The following PDE4D variants were observed in gnomAD, a reference collection of about 807,000 sequenced individuals.
PDE4D encodes phosphodiesterase 4D.
Under a neutral mutation model 87.4 loss-of-function variants are expected in PDE4D, and 24 were observed. The observed-to-expected ratio is 0.27, with a 90% CI of 0.20 to 0.39. PDE4D has a LOEUF of 0.39. Ranked by LOEUF, PDE4D falls within the 10% of genes least tolerant of loss-of-function variation. PDE4D has a pLI of 1.00. For missense variants in PDE4D, 714 were observed against 1,041.0 expected (o/e 0.69, Z 4.32); for synonymous variants, 384 against 383.2 (o/e 1.00, Z -0.02).
Position 59,038,649 on chromosome 5 carries a change from C to T in PDE4D, c.921+210G>A, listed in dbSNP as rs375915142. 3.3e-4 allele frequency among the ~76,000 whole-genome samples: 50 copies of T among 152,304 alleles called. 1 individual carries two copies. In the South Asian group the frequency reaches 0.01, roughly 32 times the overall value. Reference sequence around the variant, plus strand: ...TCTTGGGAGATACTTAAATTTAGCACGTCAAATTGCTTTTGGAAAATGTTT... The same window carrying T: ...TCTTGGGAGATACTTAAATTTAGCATGTCAAATTGCTTTTGGAAAATGTTT... On this transcript the variant is annotated intron_variant, in intron 6 of 14. Transcript: ENST00000340635.
At chr5:59,819,832 C>A (rs1046530104) in intron 1 of PDE4D, among the ~76,000 whole-genome samples, 1 of 152,168 alleles carries the variant, frequency 6.6e-6, no homozygotes, top group Admixed American at 6.5e-5. Context: ...AGTTTTCAGG[C>A]AAGCGTGTGC....
intron 1 of PDE4D, among the ~76,000 whole-genome samples, chr5:59,424,913 G>A (rs1794985307): frequency 6.6e-6 from 1 of 152,192 alleles, no homozygotes; most frequent in Non-Finnish European, 1.5e-5. Context: ...CTTAATATAT[G>A]TAAGTGTATG....
At chr5:59,300,783 G>C (rs910150762) in intron 1 of PDE4D, among the ~76,000 whole-genome samples, 1 of 152,060 alleles carries the variant, frequency 6.6e-6, no homozygotes, top group Admixed American at 6.6e-5. Context: ...TGAAGGTTCA[G>C]TTCCCAAGAC....
intron 1 of PDE4D, among the ~76,000 whole-genome samples, chr5:60,251,639 T>A (rs1165125522): frequency 6.6e-6 from 1 of 151,972 alleles, no homozygotes; most frequent in Admixed American, 6.6e-5. Context: ...TGATTCCATA[T>A]CTTTGCTATT....
chr5:60,290,614 G>T (rs900363867), intron 1 of PDE4D, among the ~76,000 whole-genome samples: 1 of 152,070 alleles, frequency 6.6e-6, no homozygotes, highest in African/African-American at 2.4e-5. Flanking sequence ...GACCAGCCTG[G>T]GCAACATAGT....
At chr5:60,369,123 C>A (rs895426665) in intron 1 of PDE4D, among the ~76,000 whole-genome samples, 9 of 151,868 alleles carry the variant, frequency 5.9e-5, no homozygotes, top group African/African-American at 2.2e-4. Flanking sequence ...CCTCTCTCCT[C>A]TCCTGCTTTC....
intron 1 of PDE4D, among the ~76,000 whole-genome samples, chr5:59,824,912 C>T (rs970967264): frequency 6.6e-6 from 1 of 152,160 alleles, no homozygotes; most frequent in Non-Finnish European, 1.5e-5. Flanking sequence ...AGCATTATAC[C>T]TGTTTTCTTA....
intron 1 of PDE4D, among the ~76,000 whole-genome samples, chr5:59,531,058 G>A (rs910755534): frequency 6.6e-6 from 1 of 152,156 alleles, no homozygotes; most frequent in African/African-American, 2.4e-5. Context: ...TGTTATTTGG[G>A]CAAGACTGTT....
chr5:59,486,019 A>G (rs532117043), intron 1 of PDE4D, among the ~76,000 whole-genome samples: 7 of 152,080 alleles, frequency 4.6e-5, no homozygotes, highest in Admixed American at 2.0e-4. Flanking sequence ...CCTCATGACA[A>G]CAAGCTTGTA....
At chr5:60,512,681 A>T (rs951232959) in intron 1 of PDE4D, among the ~76,000 whole-genome samples, 2 of 152,202 alleles carry the variant, frequency 1.3e-5, no homozygotes, top group African/African-American at 4.8e-5. Context: ...GTGAAAATGT[A>T]TTTCAGAAAC....
At chr5:60,460,269 C>G (rs2150170019) in intron 1 of PDE4D, 1 of 1,075,106 alleles carries the variant, frequency 9.3e-7, no homozygotes, top group Admixed American at 1.7e-5. Flanking sequence ...CACTCTCATT[C>G]AGATGAAATT....
chr5:59,870,095 T>C (rs1747607073), intron 1 of PDE4D, among the ~76,000 whole-genome samples: 1 of 152,210 alleles, frequency 6.6e-6, no homozygotes, highest in African/African-American at 2.4e-5. Flanking sequence ...TAAAGTCTCA[T>C]GTGGTAAAAA....
At chr5:59,857,740 A>G (rs16890302) in intron 1 of PDE4D, among the ~76,000 whole-genome samples, 3,922 of 152,182 alleles carry the variant, frequency 0.026, 165 homozygotes, top group African/African-American at 0.09. Context: ...TCCAAGGAAT[A>G]CAGGTGAGGA....
At chr5:60,084,349 GA>G (rs1438563090) in intron 2 of PDE4D, among the ~76,000 whole-genome samples, 4 of 152,140 alleles carry the variant, frequency 2.6e-5, no homozygotes, top group Non-Finnish European at 5.9e-5. Flanking sequence ...ACAGAAATTA[GA>G]AATATGACAT....
intron 5 of PDE4D, among the ~76,000 whole-genome samples, chr5:59,131,819 T>G (rs1388603917): frequency 6.6e-6 from 1 of 152,186 alleles, no homozygotes; most frequent in Non-Finnish European, 1.5e-5. Flanking sequence ...AATGAAGAGT[T>G]GGTAATTGTA....
chr5:59,373,946 G>A (rs1459416065), intron 1 of PDE4D, among the ~76,000 whole-genome samples: 2 of 152,092 alleles, frequency 1.3e-5, no homozygotes, highest in African/African-American at 4.8e-5. Context: ...AAGTGAAGGG[G>A]AAATAATATC....
intron 2 of PDE4D, among the ~76,000 whole-genome samples, chr5:60,056,893 C>A (rs935684520): frequency 6.6e-6 from 1 of 151,940 alleles, no homozygotes; most frequent in Admixed American, 6.6e-5. Flanking sequence ...CCAGGTAGAA[C>A]TATAGCTATT....
chr5:60,115,681 CTT>C (rs980899120), intron 2 of PDE4D, among the ~76,000 whole-genome samples: 2 of 152,018 alleles, frequency 1.3e-5, no homozygotes, highest in African/African-American at 4.8e-5. Flanking sequence ...ATTCACGACT[CTT>C]TGTGTATTTT....
chr5:60,026,585 A>T (rs1269868960), intron 2 of PDE4D, among the ~76,000 whole-genome samples: 1 of 152,114 alleles, frequency 6.6e-6, no homozygotes, highest in Non-Finnish European at 1.5e-5. Context: ...GAAAATGATA[A>T]ACTCGATGAA....
Sources: allele counts gnomAD v4.1 joint callset (sites outside exome capture counted in the v4.1 genomes callset), GRCh38; gene constraint gnomAD v4.1.1; transcripts MANE v1.5; gene names NCBI Gene and HGNC (gene_info 2026-07-23, HGNC 2026-07-21).